ABCB7: variants seen among roughly 807,000 people sequenced by gnomAD.
ABCB7 encodes iron-sulfur clusters transporter ABCB7, mitochondrial.
A neutral mutation model predicts 54.4 loss-of-function variants in ABCB7; 7 were observed. That is an observed-to-expected ratio of 0.13 (90% CI 0.07 to 0.24). The LOEUF is 0.24. Ranked by LOEUF, ABCB7 falls within the 10% of genes least tolerant of loss-of-function variation. The pLI is 1.00. For synonymous variants in ABCB7, 218 were observed against 207.1 expected, an observed-to-expected ratio of 1.05 and a Z score of -0.45; for missense variants, 356 against 570.4, an observed-to-expected ratio of 0.62 and a Z score of 3.83.
intron 1 of ABCB7, among the ~76,000 whole-genome samples, chrX:75,140,922 C>T (rs564816780): frequency 1.8e-5 from 2 of 111,760 alleles, no homozygotes; most frequent in South Asian, 3.8e-4. Flanking sequence ...CTTAATTTTA[C>T]CCATGAGAGT....
intron 3 of ABCB7, among the ~76,000 whole-genome samples, chrX:75,108,041 G>A (rs971536567): frequency 8.1e-5 from 9 of 111,168 alleles, no homozygotes; most frequent in Non-Finnish European, 1.5e-4. Flanking sequence ...GGCCTTAAGG[G>A]GACATTGGGG....
rs2081587028 is a variant in ABCB7 at position 75,095,936 on chromosome X, G to A, written c.453+3006C>T. ...ACAGAAATCTGTATTTTGAAGGACT[G>A]GAACTCACTCTAAAAATAAATTCTA... On this transcript the variant is annotated intron_variant, in intron 4 of 15. Transcript: ENST00000373394. Among the ~76,000 whole-genome samples the A allele has an allele frequency of 2.7e-5, 3 of 111,681 alleles. No individual in the cohort carries two copies. The Admixed American group carries it at 2.8e-4, about 11-fold the overall frequency.
intron 3 of ABCB7, among the ~76,000 whole-genome samples, chrX:75,102,067 T>C (rs1260424111): frequency 1.8e-5 from 2 of 111,495 alleles, no homozygotes; most frequent in East Asian, 2.8e-4. Context: ...TATTGATTCA[T>C]AATATTTTAC....
At chrX:75,114,902 G>A in intron 1 of ABCB7, 71 bp from the exon 2 acceptor site, 1 of 880,578 alleles carries the variant, frequency 1.1e-6, no homozygotes, top group Non-Finnish European at 1.6e-6. Flanking sequence ...TATTTCCTTT[G>A]TTCATAAACA....
chrX:75,099,901 TAA>T (rs1182202985), intron 3 of ABCB7, among the ~76,000 whole-genome samples: 1 of 92,244 alleles, frequency 1.1e-5, no homozygotes. Context: ...AAGAAAAAAG[TAA>T]AAAAAAAAAA....
chrX:75,069,898 G>A (rs968319297), intron 10 of ABCB7, among the ~76,000 whole-genome samples: 4 of 109,605 alleles, frequency 3.6e-5, no homozygotes, highest in African/African-American at 1.0e-4. Context: ...ATTTTGAGAC[G>A]GAGTTCGCCC....
chrX:75,068,243 C>T (rs1055244763), intron 12 of ABCB7, among the ~76,000 whole-genome samples: 1 of 111,126 alleles, frequency 9.0e-6, no homozygotes, highest in African/African-American at 3.3e-5. Context: ...TTCTTCCTCT[C>T]CCCATATTTT....
rs1182825799 is a variant in ABCB7, at chrX:75,057,419, G to T, written c.2043+2804C>A. 4.8e-5 allele frequency among the ~76,000 whole-genome samples: 5 copies of T among 104,852 alleles called. No homozygotes were observed. In the Admixed American group the frequency reaches 5.2e-4, roughly 11 times the overall value. The allele number at this position is 104,852 out of a possible 115,157, so 91.1% of individuals were successfully genotyped here. A position where few individuals can be genotyped will look rare whatever the true frequency, so the allele number is the denominator to read the frequency against. The stretch of plus-strand genomic sequence containing the variant: ...TTTTAATTTTTGGAGACAGAGTCTC[G>T]CTATGTTGTCCAGGCTGGTCTCCAC... On this transcript the variant is annotated intron_variant, in intron 15 of 15. Coordinates refer to ENST00000373394, the MANE Select transcript of ABCB7 (RefSeq NM_001271696.3).
intron 3 of ABCB7, among the ~76,000 whole-genome samples, chrX:75,110,755 T>A (rs2081753019): frequency 8.9e-6 from 1 of 111,828 alleles, no homozygotes; most frequent in South Asian, 3.8e-4. Context: ...AGCTCCAAAA[T>A]CCTTTAAAAA....
At chrX:75,063,306 A>T (rs2081294262) in intron 13 of ABCB7, among the ~76,000 whole-genome samples, 1 of 111,334 alleles carries the variant, frequency 9.0e-6, no homozygotes, top group African/African-American at 3.3e-5. Context: ...AGTACAGAAG[A>T]TGGTACTCTG....
intron 3 of ABCB7, among the ~76,000 whole-genome samples, chrX:75,102,252 C>T (rs756280839): frequency 1.8e-5 from 2 of 110,721 alleles, no homozygotes; most frequent in Admixed American, 1.9e-4. Context: ...TATAGTCACC[C>T]TGCTCTGCTA....
chrX:75,065,357 C>T, intron 12 of ABCB7, 116 bp from the exon 13 acceptor site: 1 of 692,877 alleles, frequency 1.4e-6, no homozygotes, highest in East Asian at 3.6e-5. Context: ...TAAAACATGA[C>T]AGTCCCTTTC....
intron 4 of ABCB7, among the ~76,000 whole-genome samples, chrX:75,086,898 A>G (rs376123979): frequency 1.8e-5 from 2 of 111,737 alleles, no homozygotes; most frequent in East Asian, 5.6e-4. Flanking sequence ...CTCATTATAC[A>G]CTAATTATAA....
intron 1 of ABCB7, among the ~76,000 whole-genome samples, chrX:75,154,782 C>T (rs2082160907): frequency 8.9e-6 from 1 of 112,235 alleles, no homozygotes; most frequent in South Asian, 3.7e-4. Context: ...CCCATTATTA[C>T]ACAGCTCCAC....
At chrX:75,102,648 A>T (rs6647629) in intron 3 of ABCB7, among the ~76,000 whole-genome samples, 3,569 of 111,433 alleles carry the variant, frequency 0.032, 274 homozygotes, top group East Asian at 0.32. Context: ...TATACTGATT[A>T]CCTTTCCTTT....
chrX:75,076,906 C>T (rs1394218922), intron 4 of ABCB7, among the ~76,000 whole-genome samples: 1 of 111,286 alleles, frequency 9.0e-6, no homozygotes, highest in African/African-American at 3.3e-5. Flanking sequence ...GCTTCTGCTT[C>T]CATGAAATCA....
At chrX:75,097,207 GA>G (rs1325679735) in intron 4 of ABCB7, among the ~76,000 whole-genome samples, 3 of 111,594 alleles carry the variant, frequency 2.7e-5, no homozygotes. Context: ...CGAATTCTCT[GA>G]AACATCTTCC....
intron 12 of ABCB7, among the ~76,000 whole-genome samples, chrX:75,068,376 G>A (rs1029816667): frequency 9.0e-6 from 1 of 111,339 alleles, no homozygotes; most frequent in Non-Finnish European, 1.9e-5. Context: ...ATCCTATAAG[G>A]CTATCTACTT....
intron 4 of ABCB7, among the ~76,000 whole-genome samples, chrX:75,094,046 A>C (rs1265484434): frequency 4.5e-5 from 1 of 22,014 alleles, no homozygotes; most frequent in African/African-American, 6.1e-5. Context: ...ATATATATAT[A>C]TATATATCTA....
Sources: gnomAD v4.1 joint callset for allele counts (sites outside exome capture counted in the v4.1 genomes callset) on GRCh38, gnomAD v4.1.1 for gene constraint, MANE v1.5 for transcripts, NCBI Gene and HGNC (gene_info 2026-07-23, HGNC 2026-07-21) for gene names.